The following ZC3H7B variants were observed in gnomAD, a reference collection of about 807,000 sequenced individuals.
ZC3H7B encodes zinc finger CCCH domain-containing protein 7B.
ZC3H7B carries 35 observed loss-of-function variants against 116.0 expected under a neutral mutation model. The observed-to-expected ratio is 0.30, with a 90% CI of 0.23 to 0.40. The LOEUF (loss-of-function observed/expected upper bound fraction) is 0.40, where lower values mean the gene tolerates loss of function less well. ZC3H7B is among the 10% of genes least tolerant of loss of function. The pLI is 1.00. For synonymous variants in ZC3H7B, 502 were observed against 545.6 expected, an observed-to-expected ratio of 0.92 and a Z score of 1.11; for missense variants, 1,011 against 1,321.5, an observed-to-expected ratio of 0.77 and a Z score of 3.64.
intron 1 of ZC3H7B, 149 bp downstream of exon 1, chr22:41,301,921 C>G (rs549828756): frequency 6.6e-6 from 1 of 151,992 alleles, no homozygotes; most frequent in East Asian, 2.0e-4. Context: ...GGGCCGCGCG[C>G]CGGGCCACCT....
intron 15 of ZC3H7B, among the ~76,000 whole-genome samples, chr22:41,348,822 G>A (rs1040644560): frequency 2.6e-5 from 4 of 152,220 alleles, no homozygotes; most frequent in Admixed American, 2.6e-4. Context: ...TCAGGATGCA[G>A]GACCGGCTCT....
rs137940372 is a variant in ZC3H7B at position 41,341,141 on chromosome 22, C to A, written c.1192C>A (p.Pro398Thr). Residue 398 changes from proline to threonine, a missense_variant, in exon 11 of 23, where the codon CCC becomes ACC. By Grantham distance (38) the Pro-to-Thr change is conservative. Around this residue, in one of 5 missense-constraint regions of ZC3H7B, gnomAD observed 99 missense variants for 89.5 expected, o/e 1.11. Coordinates refer to ENST00000352645, the MANE Select transcript of ZC3H7B (RefSeq NM_017590.6). ...CCCTAGCGGTGCTCAGAAACCAGCC[C>A]CCTCGGTGAGTGACTTGAGTGGGGA... ...RPPSGAQKPA[P>T]SPEPCMPNTA... 2.4e-4 allele frequency: 387 copies of A among 1,613,994 alleles called. 1 individual carries two copies. The Middle Eastern group carries it at 4.1e-3, about 17-fold the overall frequency.
At chr22:41,313,835 C>G (rs1406680238) in intron 1 of ZC3H7B, among the ~76,000 whole-genome samples, 1 of 151,884 alleles carries the variant, frequency 6.6e-6, no homozygotes, top group East Asian at 1.9e-4. Context: ...TTCCTTCGGT[C>G]TTTCGGGTTC....
At chr22:41,307,932 C>G (rs982245185) in intron 1 of ZC3H7B, among the ~76,000 whole-genome samples, 1 of 152,186 alleles carries the variant, frequency 6.6e-6, no homozygotes, top group Non-Finnish European at 1.5e-5. Flanking sequence ...TCTTATCAAT[C>G]TGGAAATCCT....
At chr22:41,354,128 T>A (rs756831620) in intron 17 of ZC3H7B, among the ~76,000 whole-genome samples, 21 of 152,164 alleles carry the variant, frequency 1.4e-4, no homozygotes, top group Non-Finnish European at 2.6e-4. Context: ...GGGGTCTGGC[T>A]CTAAGGGAGG....
chr22:41,319,526 C>T (rs968324273), intron 1 of ZC3H7B, among the ~76,000 whole-genome samples: 12 of 146,050 alleles, frequency 8.2e-5, no homozygotes, highest in African/African-American at 3.1e-4. Flanking sequence ...GCTGAGATCA[C>T]ACCACTGCAC....
At chr22:41,344,106 T>G (rs191173441) in intron 13 of ZC3H7B, among the ~76,000 whole-genome samples, 214 of 152,338 alleles carry the variant, frequency 1.4e-3, no homozygotes, top group Non-Finnish European at 2.2e-3. Flanking sequence ...GCCAAGCGCC[T>G]TGGTCCCGCT....
intron 1 of ZC3H7B, among the ~76,000 whole-genome samples, chr22:41,316,945 C>T (rs750413314): frequency 2.0e-5 from 3 of 152,126 alleles, no homozygotes; most frequent in South Asian, 2.1e-4. Context: ...TGGATTCAAG[C>T]GATTTTCCTG....
intron 1 of ZC3H7B, among the ~76,000 whole-genome samples, chr22:41,309,353 G>T (rs1446815053): frequency 2.0e-5 from 3 of 150,188 alleles, no homozygotes; most frequent in African/African-American, 4.9e-5. Flanking sequence ...TCGCTCTGTC[G>T]TCCAGGCTGG....
At chr22:41,355,447 C>T in intron 17 of ZC3H7B, 22 bp from the exon 18 acceptor site, 1 of 1,613,040 alleles carries the variant, frequency 6.2e-7, no homozygotes, top group Non-Finnish European at 8.5e-7. Flanking sequence ...CTTCACCAAC[C>T]CCCCTCCCCA....
intron 6 of ZC3H7B, 90 bp from the exon 7 acceptor site, chr22:41,332,081 G>T (rs2036390465): frequency 6.9e-7 from 1 of 1,459,744 alleles, no homozygotes; most frequent in South Asian, 1.2e-5. Flanking sequence ...AGCTGCTTGT[G>T]TCAGGGCCTC....
In ZC3H7B at chr22:41,338,058, A is replaced by T. The variant is rs922577558; in HGVS notation, c.583-255A>T. Among the ~76,000 whole-genome samples the T allele has an allele frequency of 6.6e-6, 1 of 151,960 alleles. No homozygotes were observed. Among genetic ancestry groups the T allele is most frequent in the Non-Finnish European group, 1.5e-5 (1 of 67,990 alleles). ...AATTTTTGTATTTTTAGTAGAGATG[A>T]GGTTTCACCATGTTGGCCATGCTGG... On this transcript the variant is annotated intron_variant, in intron 7 of 22. Transcript: ENST00000352645. This position sits in a 1 kb window ranked among gnomAD's most constrained non-coding sequence, Gnocchi z 4.5.
chr22:41,326,647 GCCT>G (rs1332055979), intron 4 of ZC3H7B, among the ~76,000 whole-genome samples: 4 of 152,244 alleles, frequency 2.6e-5, no homozygotes, highest in Middle Eastern at 3.4e-3. Context: ...TAGAGCTGCA[GCCT>G]CCTCCTCTTC....
chr22:41,347,004 G>A (rs1238219957), intron 14 of ZC3H7B, among the ~76,000 whole-genome samples: 1 of 151,268 alleles, frequency 6.6e-6, no homozygotes, highest in African/African-American at 2.4e-5. Flanking sequence ...CCATCGTCAC[G>A]GCAGTGCTGG....
rs1465491469 is a variant in ZC3H7B at position 41,355,601 on chromosome 22, T to C, written c.2167T>C (p.Cys723Arg). Residue 723 changes from cysteine to arginine, a missense_variant and splice_region_variant, in exon 18 of 23, where the codon TGC becomes CGC. By Grantham distance (180) the Cys-to-Arg change is radical. Transcript: ENST00000352645. ...GTACTGTAGTGCCAAGGCCCGGCAC[T>C]GGTGAGTGGGATGCCAGGTGGGGGC... ...LKYCSAKARHCWTKERRVLLV... is the reference protein window; with the variant it reads ...LKYCSAKARHRWTKERRVLLV... 39 of 1,613,976 alleles carry C rather than the reference T, an allele frequency of 2.4e-5. No individual in the cohort carries two copies. The highest frequency in any genetic ancestry group is 3.1e-5 in the Non-Finnish European group (36 of 1,179,984).
At chr22:41,339,657 G>A (rs1422243487) in intron 9 of ZC3H7B, among the ~76,000 whole-genome samples, 159 bp from the exon 10 acceptor site, 1 of 151,570 alleles carries the variant, frequency 6.6e-6, no homozygotes, top group Non-Finnish European at 1.5e-5. Flanking sequence ...GCTGCACAAT[G>A]TCTGGCCAGA....
chr22:41,341,036 C>T lies in ZC3H7B; in HGVS notation c.1139-52C>T, dbSNP rs77726226. On this transcript the variant is annotated intron_variant, in intron 10 of 22. Transcript: ENST00000352645. ...CATAAGGGGAAGCCCTAGGAAGGCC[C>T]CTCACGCCTCAGAGCCAGAGCCACT... 6.7e-3 allele frequency: 10,585 copies of T among 1,582,036 alleles called. 482 individuals are homozygous for T. The African/African-American group carries it at 0.11, about 16-fold the overall frequency.
chr22:41,332,246 C>T lies in ZC3H7B; in HGVS notation c.582+19C>T. ...AGATCAGGTAGGATCGGGGCTGAAC[C>T]AACCTGTCTCAGTTTATCCATTATG... On this transcript the variant is annotated intron_variant, in intron 7 of 22. Transcript: ENST00000352645. 6.2e-7 allele frequency: 1 copy of T among 1,613,894 alleles called. No homozygotes were observed.
At chr22:41,305,387 G>A (rs922654287) in intron 1 of ZC3H7B, among the ~76,000 whole-genome samples, 16 of 151,276 alleles carry the variant, frequency 1.1e-4, no homozygotes, top group Admixed American at 4.6e-4. Flanking sequence ...GTGGGTGCCT[G>A]TAATCCTAGC....
Sources: allele counts gnomAD v4.1 joint callset (sites outside exome capture counted in the v4.1 genomes callset), GRCh38; gene constraint gnomAD v4.1.1; regional missense constraint gnomAD v4.1.1; non-coding constraint Gnocchi (gnomAD v3.1); transcripts MANE v1.5; gene names NCBI Gene and HGNC (gene_info 2026-07-23, HGNC 2026-07-21).